ASIP: variants seen among roughly 807,000 people sequenced by gnomAD.
The protein encoded by ASIP is agouti-signaling protein.
ASIP carries 11 observed loss-of-function variants against 10.3 expected under a neutral mutation model. The observed-to-expected ratio is 1.07, with a 90% CI of 0.68 to 1.78. The LOEUF is 1.78. Among genes scored for constraint, ASIP ranks in the 40% most tolerant of loss-of-function variants. The probability of loss-of-function intolerance (pLI) is 0.00; values close to 1 mark genes in which losing one functional copy is unlikely to be tolerated. For missense variants in ASIP, 180 were observed against 169.2 expected, an observed-to-expected ratio of 1.06 and a Z score of -0.35; for synonymous variants, 70 against 70.8, an observed-to-expected ratio of 0.99 and a Z score of 0.06.
In ASIP at chr20:34,241,505, A is replaced by G; in HGVS notation, c.-11+16A>G. The G allele has an allele frequency of 2.0e-6, 2 of 985,460 alleles. No homozygotes were observed. Among genetic ancestry groups the G allele is most frequent in the Non-Finnish European group, 2.4e-6 (2 of 829,940 alleles). 61.0% of individuals were successfully genotyped at this position (985,460 alleles called of 1,614,324 possible). On this transcript the variant is annotated intron_variant, in intron 1 of 3. Transcript: ENST00000374954. ...GGGAAAGCATGTGAGTTTAGATGGC[A>G]ACTTTAATCTGCTTTCAGGAGTGAA... is the stretch of plus-strand genomic sequence containing the variant.
At chr20:34,191,760 A>C (rs1601565581), upstream of ASIP, among the ~76,000 whole-genome samples, 21 of 103,572 alleles carry the variant, frequency 2.0e-4, no homozygotes, top group Admixed American at 4.2e-4. Context: ...ACAGAGTTTC[A>C]CTCTTGCTAT....
At chr20:34,209,239 C>T (rs1235179439) in intron 1 of ASIP, among the ~76,000 whole-genome samples, 1 of 152,222 alleles carries the variant, frequency 6.6e-6, no homozygotes, top group Non-Finnish European at 1.5e-5. Flanking sequence ...GGAGCCCTAC[C>T]CCTTCCAAGT....
chr20:34,192,404 T>C (rs979537737), upstream of ASIP, among the ~76,000 whole-genome samples: 3 of 152,198 alleles, frequency 2.0e-5, no homozygotes, highest in Non-Finnish European at 4.4e-5. Context: ...AGCTCACTCC[T>C]AGGCTCAAGT....
In ASIP at chr20:34,241,497, T is replaced by C; in HGVS notation, c.-11+8T>C. ...CTCTTTGCGGGAAAGCATGTGAGTT[T>C]AGATGGCAACTTTAATCTGCTTTCA... On this transcript the variant is annotated splice_region_variant and intron_variant, in intron 1 of 3. Coordinates refer to ENST00000374954, the MANE Select transcript of ASIP (RefSeq NM_001672.3). 1 of 985,446 alleles carries C rather than the reference T, an allele frequency of 1.0e-6. No homozygotes were observed. Among genetic ancestry groups the C allele is most frequent in the Non-Finnish European group, 1.2e-6 (1 of 829,930 alleles). The allele number at this position is 985,446 out of a possible 1,614,324, so 61.0% of individuals were successfully genotyped here. A position where few individuals can be genotyped will look rare whatever the true frequency, so the allele number is the denominator to read the frequency against.
intron 1 of ASIP, chr20:34,215,793 C>A: frequency 1.3e-6 from 2 of 1,543,486 alleles, no homozygotes; most frequent in Non-Finnish European, 1.8e-6. Flanking sequence ...ACCTGCCAGG[C>A]ATCTGGGGAA....
chr20:34,234,234 C>G (rs938113702), intron 1 of ASIP, among the ~76,000 whole-genome samples: 1 of 152,180 alleles, frequency 6.6e-6, no homozygotes, highest in East Asian at 1.9e-4. Flanking sequence ...CAATTTGTTT[C>G]CAGGGCTCAT....
chr20:34,215,159 C>G (rs936926437), intron 1 of ASIP: 73 of 1,597,090 alleles, frequency 4.6e-5, no homozygotes, highest in Non-Finnish European at 5.5e-5. Context: ...AATAAACAGT[C>G]ACATGCTTCT....
At chr20:34,219,401 C>A (rs1227305330) in intron 1 of ASIP, among the ~76,000 whole-genome samples, 1 of 152,102 alleles carries the variant, frequency 6.6e-6, no homozygotes, top group Non-Finnish European at 1.5e-5. Context: ...ATTTAATCTC[C>A]CAAAAGGCCA....
upstream of ASIP, among the ~76,000 whole-genome samples, chr20:34,190,610 A>G (rs938077080): frequency 2.0e-5 from 3 of 152,166 alleles, no homozygotes; most frequent in African/African-American, 7.2e-5. Flanking sequence ...TTCAGAGTAA[A>G]CAGAACTCAC....
intron 1 of ASIP, among the ~76,000 whole-genome samples, chr20:34,231,325 G>C (rs1275475542): frequency 7.2e-4 from 1 of 1,384 alleles, no homozygotes; most frequent in Non-Finnish European, 8.7e-4. Context: ...CAAGGCAGGC[G>C]GCTGCTCCTT....
At chr20:34,261,901 T>TCAAGA (rs1460496054) in intron 2 of ASIP, among the ~76,000 whole-genome samples, 1 of 151,960 alleles carries the variant, frequency 6.6e-6, no homozygotes, top group African/African-American at 2.4e-5. Flanking sequence ...TCACCTGAGG[T>TCAAGA]CAAGAGTTTG....
chr20:34,246,705 ACCT>A (rs2122619898), intron 1 of ASIP, among the ~76,000 whole-genome samples: 1 of 152,160 alleles, frequency 6.6e-6, no homozygotes, highest in East Asian at 1.9e-4. Flanking sequence ...TGATCTGCCC[ACCT>A]CAGCCTCCCA....
At chr20:34,224,093 G>C (rs1370349320) in intron 1 of ASIP, among the ~76,000 whole-genome samples, 1 of 136,470 alleles carries the variant, frequency 7.3e-6, no homozygotes, top group Non-Finnish European at 1.6e-5. Flanking sequence ...GAAGGCCGCA[G>C]GGTCCTCTGC....
chr20:34,257,312 T>C, intron 1 of ASIP, among the ~76,000 whole-genome samples: 1 of 152,046 alleles, frequency 6.6e-6, no homozygotes, highest in East Asian at 1.9e-4. Context: ...GTCGAACTCC[T>C]GACCCCAAGT....
At chr20:34,214,928 C>G in intron 1 of ASIP, 1 of 1,489,018 alleles carries the variant, frequency 6.7e-7, no homozygotes, top group Non-Finnish European at 9.4e-7. Flanking sequence ...TTAATATTCC[C>G]ATTCTTAGTT....
intron 1 of ASIP, among the ~76,000 whole-genome samples, chr20:34,195,274 G>A (rs2034847958): frequency 6.6e-6 from 1 of 152,138 alleles, no homozygotes; most frequent in Non-Finnish European, 1.5e-5. Context: ...CACGGGCAAT[G>A]GAAAGAGCAA....
chr20:34,236,071 A>G (rs1003388921), intron 1 of ASIP, among the ~76,000 whole-genome samples: 1 of 145,910 alleles, frequency 6.9e-6, no homozygotes, highest in Non-Finnish European at 1.5e-5. Context: ...AGAGAGAAAG[A>G]AAGAGAAAGA....
Position 34,269,281 on chromosome 20 carries a change from G to T in ASIP, c.*114G>T. On this transcript the variant is annotated 3_prime_UTR_variant, in exon 4 of 4. Coordinates refer to ENST00000374954, the MANE Select transcript of ASIP (RefSeq NM_001672.3). Reference sequence around the variant, plus strand: ...GGGCTGCAGGCGGGCGGAGGTTCCAGGAGATGGGACTTCAGGGAGACCTGG... The same window carrying T: ...GGGCTGCAGGCGGGCGGAGGTTCCATGAGATGGGACTTCAGGGAGACCTGG... The T allele has an allele frequency of 7.7e-7, 1 of 1,304,532 alleles. No homozygotes were observed. Among genetic ancestry groups the T allele is most frequent in the Non-Finnish European group, 1.0e-6 (1 of 992,122 alleles). 80.8% of individuals were successfully genotyped at this position (1,304,532 alleles called of 1,614,324 possible).
In ASIP at chr20:34,267,528, CTTTA is replaced by C. The variant is rs1432110163; in HGVS notation, c.223-1451_223-1448del. ...ATAATTTTAAATTTGCTTATGGCCACTTTATTTATTTATTTTTTTTGAGACAGAG... is the reference window on the plus strand; with the variant it reads ...ATAATTTTAAATTTGCTTATGGCCACTTTATTTATTTTTTTTGAGACAGAG... On this transcript the variant is annotated intron_variant, in intron 3 of 3. Coordinates refer to ENST00000374954, the MANE Select transcript of ASIP (RefSeq NM_001672.3). Among the ~76,000 whole-genome samples, 19 of 147,048 alleles carry C rather than the reference CTTTA, an allele frequency of 1.3e-4. No individual in the cohort carries two copies. The East Asian group carries it at 2.6e-3, about 20-fold the overall frequency.
Sources: allele counts gnomAD v4.1 joint callset (sites outside exome capture counted in the v4.1 genomes callset), GRCh38; gene constraint gnomAD v4.1.1; transcripts MANE v1.5; gene names NCBI Gene and HGNC (gene_info 2026-07-23, HGNC 2026-07-21).